Variants in DLG2 observed in about 807,000 individuals in gnomAD.
The protein encoded by DLG2 is disks large homolog 2.
Under a neutral mutation model 132.5 loss-of-function variants are expected in DLG2, and 45 were observed. The observed-to-expected ratio is 0.34, with a 90% confidence interval of 0.27 to 0.44. DLG2 has a LOEUF of 0.44. DLG2 is among the 20% of genes least tolerant of loss of function. DLG2 has a pLI of 1.00. For synonymous variants in DLG2, 424 were observed against 419.6 expected (o/e 1.01, Z -0.13); for missense variants, 1,045 against 1,196.9 (o/e 0.87, Z 1.87).
At chr11:85,106,101 T>C (rs374185259) in intron 6 of DLG2, among the ~76,000 whole-genome samples, 6 of 152,080 alleles carry the variant, frequency 3.9e-5, no homozygotes, top group African/African-American at 1.4e-4. Flanking sequence ...TGAGGCAGTC[T>C]GGGAGAGCAT....
intron 3 of DLG2, among the ~76,000 whole-genome samples, chr11:85,520,515 C>CCACA (rs3068471): frequency 0.59 from 86,596 of 147,906 alleles, 25,678 homozygotes; most frequent in African/African-American, 0.66. Context: ...GTATATGGAA[C>CCACA]CACACACACA....
chr11:84,833,986 C>T (rs1180700879), intron 6 of DLG2, among the ~76,000 whole-genome samples: 1 of 151,630 alleles, frequency 6.6e-6, no homozygotes, highest in Non-Finnish European at 1.5e-5. Flanking sequence ...GCAATTTACA[C>T]TCCTTACAAA....
intron 21 of DLG2, among the ~76,000 whole-genome samples, chr11:83,492,793 C>G (rs1165380234): frequency 2.0e-5 from 3 of 152,102 alleles, no homozygotes; most frequent in African/African-American, 4.8e-5. Flanking sequence ...CCATCTCCAC[C>G]ACTACTACCC....
chr11:83,640,791 T>C (rs551736826), intron 18 of DLG2, among the ~76,000 whole-genome samples: 2 of 152,322 alleles, frequency 1.3e-5, no homozygotes, highest in Admixed American at 6.5e-5. Context: ...CCTTCTATCA[T>C]GGAAAGACGC....
intron 6 of DLG2, among the ~76,000 whole-genome samples, chr11:84,805,309 C>T (rs573552117): frequency 6.6e-6 from 1 of 152,182 alleles, no homozygotes; most frequent in East Asian, 1.9e-4. Context: ...CCACTCCTCC[C>T]TTTCTCCTGC....
At chr11:84,160,977 T>G (rs540726997) in intron 9 of DLG2, among the ~76,000 whole-genome samples, 1 of 152,274 alleles carries the variant, frequency 6.6e-6, no homozygotes, top group African/African-American at 2.4e-5. Context: ...GAAATTGTTG[T>G]CCCAGAGTAT....
intron 7 of DLG2, among the ~76,000 whole-genome samples, chr11:84,505,856 C>T (rs2099237845): frequency 6.6e-6 from 1 of 152,000 alleles, no homozygotes; most frequent in South Asian, 2.1e-4. Flanking sequence ...TTTTATAGTT[C>T]AATCTCATAC....
chr11:84,441,871 G>A (rs1040603014), intron 7 of DLG2, among the ~76,000 whole-genome samples: 1 of 152,164 alleles, frequency 6.6e-6, no homozygotes, highest in Non-Finnish European at 1.5e-5. Context: ...TTATTAAATA[G>A]GGGATCCTTT....
At chr11:83,667,256 T>A (rs1361743984) in intron 18 of DLG2, among the ~76,000 whole-genome samples, 1 of 152,172 alleles carries the variant, frequency 6.6e-6, no homozygotes, top group Non-Finnish European at 1.5e-5. Context: ...CATTTGCCCT[T>A]TGAAATGGAC....
intron 7 of DLG2, among the ~76,000 whole-genome samples, chr11:84,452,066 A>G (rs1028888391): frequency 9.2e-5 from 14 of 151,570 alleles, no homozygotes; most frequent in Non-Finnish European, 1.6e-4. Flanking sequence ...TTTCATCTTC[A>G]AGTAAAATTG....
intron 6 of DLG2, among the ~76,000 whole-genome samples, chr11:84,626,774 C>T (rs1247134058): frequency 1.3e-5 from 2 of 152,126 alleles, no homozygotes; most frequent in African/African-American, 4.8e-5. Flanking sequence ...AAGCAGTGCT[C>T]TAGAAGCATT....
At chr11:85,529,597 C>T (rs57225595) in intron 3 of DLG2, among the ~76,000 whole-genome samples, 1 of 152,082 alleles carries the variant, frequency 6.6e-6, no homozygotes, top group Non-Finnish European at 1.5e-5. Context: ...CTTTGGTGAA[C>T]AAGTCTACTC....
intron 19 of DLG2, 68 bp downstream of exon 19, chr11:83,633,143 G>T (rs1206960470): frequency 1.4e-6 from 2 of 1,383,928 alleles, no homozygotes; most frequent in Non-Finnish European, 2.1e-6. Context: ...TTGCTACATG[G>T]TGTTGCCTTT....
intron 19 of DLG2, among the ~76,000 whole-genome samples, chr11:83,563,988 T>C (rs2096658671): frequency 6.6e-6 from 1 of 150,386 alleles, no homozygotes; most frequent in Non-Finnish European, 1.5e-5. Flanking sequence ...TTTTGATTTA[T>C]TTTTTATCAA....
chr11:83,564,595 G>T (rs1163135998), intron 19 of DLG2, among the ~76,000 whole-genome samples: 10 of 152,150 alleles, frequency 6.6e-5, no homozygotes, highest in Non-Finnish European at 1.5e-4. Flanking sequence ...TGTTTTTGGG[G>T]TTTACTGAGG....
At chr11:85,345,333 C>G (rs191657775) in intron 3 of DLG2, among the ~76,000 whole-genome samples, 2 of 152,194 alleles carry the variant, frequency 1.3e-5, no homozygotes, top group East Asian at 3.9e-4. Flanking sequence ...GGGAGAACCC[C>G]CGACTCCCCA....
intron 6 of DLG2, among the ~76,000 whole-genome samples, chr11:84,810,588 C>G (rs992521813): frequency 6.6e-6 from 1 of 152,038 alleles, no homozygotes; most frequent in Non-Finnish European, 1.5e-5. Context: ...TCTTTGAAAA[C>G]AAAACATGCA....
chr11:85,313,018 G>A (rs2080413739), intron 3 of DLG2, among the ~76,000 whole-genome samples: 1 of 151,964 alleles, frequency 6.6e-6, no homozygotes, highest in Non-Finnish European at 1.5e-5. Flanking sequence ...GCATTTGGCT[G>A]TGGCTATATA....
chr11:84,324,203 C>T (rs2098419667), intron 7 of DLG2, among the ~76,000 whole-genome samples: 1 of 151,930 alleles, frequency 6.6e-6, no homozygotes, highest in Non-Finnish European at 1.5e-5. Context: ...GTCTTATCTT[C>T]AGGTCTTTAG....
Sources: gnomAD v4.1 joint callset for allele counts (sites outside exome capture counted in the v4.1 genomes callset) on GRCh38, gnomAD v4.1.1 for gene constraint, MANE v1.5 for transcripts, NCBI Gene and HGNC (gene_info 2026-07-23, HGNC 2026-07-21) for gene names.